CCBE1: variants seen among roughly 807,000 people sequenced by gnomAD.
CCBE1 encodes the protein collagen and calcium-binding EGF domain-containing protein 1.
A neutral mutation model predicts 50.0 loss-of-function variants in CCBE1; 37 were observed. The observed-to-expected ratio is 0.74, with a 90% CI of 0.57 to 0.97. The LOEUF (loss-of-function observed/expected upper bound fraction) is 0.97. Ranked by LOEUF, CCBE1 falls within the 50% of genes least tolerant of loss-of-function variation. The probability of loss-of-function intolerance (pLI) is 0.00; values close to 1 mark genes in which losing one functional copy is unlikely to be tolerated. For synonymous variants in CCBE1, 234 were observed against 203.7 expected (o/e 1.15, Z -1.27); for missense variants, 538 against 523.8 (o/e 1.03, Z -0.26).
At chr18:59,436,237 C>G in intron 10 of CCBE1, 96 bp from the exon 11 acceptor site, 1 of 1,046,458 alleles carries the variant, frequency 9.6e-7, no homozygotes, top group South Asian at 1.3e-5. Flanking sequence ...CAACTACTTT[C>G]TCAATAACTC....
At chr18:59,438,373 C>A (rs768870873) in intron 9 of CCBE1, among the ~76,000 whole-genome samples, 19 of 152,306 alleles carry the variant, frequency 1.2e-4, no homozygotes, top group Middle Eastern at 3.4e-3. Flanking sequence ...TATTTTCAAA[C>A]CTTCTTGGCA....
intron 2 of CCBE1, among the ~76,000 whole-genome samples, chr18:59,491,310 T>A (rs1475476700): frequency 1.3e-5 from 2 of 152,162 alleles, no homozygotes; most frequent in Non-Finnish European, 2.9e-5. Context: ...AAGTCTGCCA[T>A]TGCTCCCCCA....
At chr18:59,663,505 C>G (rs1431810022) in intron 2 of CCBE1, among the ~76,000 whole-genome samples, 1 of 152,038 alleles carries the variant, frequency 6.6e-6, no homozygotes, top group East Asian at 1.9e-4. Flanking sequence ...CTGCAGAGTT[C>G]TGTGAGGCTG....
chr18:59,684,693 GT>G (rs2054634519), intron 2 of CCBE1, among the ~76,000 whole-genome samples: 1 of 152,132 alleles, frequency 6.6e-6, no homozygotes, highest in African/African-American at 2.4e-5. Flanking sequence ...CATAATTGCT[GT>G]TGTAACACTC....
Position 59,466,757 on chromosome 18 carries a change from T to C in CCBE1, c.535A>G (p.Lys179Glu), listed in dbSNP as rs1911766876. 6.2e-7 allele frequency: 1 copy of C among 1,613,160 alleles called. No individual in the cohort carries two copies. Reference protein sequence around the residue: ...DDGKTCTRGDKYPNDTGHEKS... With the variant: ...DDGKTCTRGDEYPNDTGHEKS... ...TACTTACCAGTGTCATTGGGATATTTGTCTCCCCTGGTACATGTCTTCCCA... is the reference window on the plus strand; with the variant it reads ...TACTTACCAGTGTCATTGGGATATTCGTCTCCCCTGGTACATGTCTTCCCA... The change falls in exon 5 of 11, where the codon AAA becomes GAA. Residue 179 changes from lysine to glutamate, a missense_variant. Transcript: ENST00000439986.
intron 2 of CCBE1, among the ~76,000 whole-genome samples, chr18:59,545,394 G>A (rs1162034060): frequency 6.6e-6 from 1 of 152,000 alleles, no homozygotes; most frequent in Non-Finnish European, 1.5e-5. Context: ...ATCGGTGTGA[G>A]CACCCACAAC....
At chr18:59,693,444 A>G (rs536554978) in intron 2 of CCBE1, among the ~76,000 whole-genome samples, 4 of 152,110 alleles carry the variant, frequency 2.6e-5, no homozygotes, top group Non-Finnish European at 5.9e-5. Context: ...CTGTACACCA[A>G]CTTGAGACCA....
intron 2 of CCBE1, among the ~76,000 whole-genome samples, chr18:59,641,198 A>G (rs9948317): frequency 0.039 from 5,962 of 151,724 alleles, 399 homozygotes; most frequent in African/African-American, 0.14. Context: ...TAGCAAATAC[A>G]TGGAATCAAC....
intron 2 of CCBE1, among the ~76,000 whole-genome samples, chr18:59,506,073 C>T (rs781700529): frequency 1.6e-4 from 25 of 152,108 alleles, no homozygotes; most frequent in Admixed American, 1.2e-3. Context: ...TTGGGAATAG[C>T]GTCTTTGAAG....
intron 2 of CCBE1, among the ~76,000 whole-genome samples, chr18:59,584,507 A>G (rs1332539034): frequency 7.3e-6 from 1 of 136,660 alleles, no homozygotes; most frequent in African/African-American, 3.5e-5. Flanking sequence ...TAATAATAAT[A>G]AAAAAAGAAA....
chr18:59,621,152 G>A (rs1325925944), intron 2 of CCBE1, among the ~76,000 whole-genome samples: 14 of 152,186 alleles, frequency 9.2e-5, no homozygotes, highest in African/African-American at 3.4e-4. Flanking sequence ...GGGCCCCAGG[G>A]CTTCCAGGAA....
intron 2 of CCBE1, among the ~76,000 whole-genome samples, chr18:59,540,810 G>A (rs953425573): frequency 1.3e-5 from 2 of 152,116 alleles, no homozygotes; most frequent in African/African-American, 4.8e-5. Flanking sequence ...TTACAGAACC[G>A]GTAAACCCTG....
At chr18:59,512,438 G>A (rs72629869) in intron 2 of CCBE1, among the ~76,000 whole-genome samples, 7,353 of 152,348 alleles carry the variant, frequency 0.048, 241 homozygotes, top group East Asian at 0.083. Context: ...AAGAGCAACA[G>A]TGCCTGCTGC....
At chr18:59,636,881 G>A (rs920604009) in intron 2 of CCBE1, among the ~76,000 whole-genome samples, 1 of 152,158 alleles carries the variant, frequency 6.6e-6, no homozygotes, top group African/African-American at 2.4e-5. Flanking sequence ...ACTGGATGAC[G>A]ATAGCATTTA....
At chr18:59,647,949 G>A (rs917506106) in intron 2 of CCBE1, among the ~76,000 whole-genome samples, 4 of 152,136 alleles carry the variant, frequency 2.6e-5, no homozygotes, top group African/African-American at 9.7e-5. Flanking sequence ...AAAATATTGG[G>A]AGTTTTGCAT....
chr18:59,582,699 A>T (rs1452590613), intron 2 of CCBE1, among the ~76,000 whole-genome samples: 11 of 152,212 alleles, frequency 7.2e-5, no homozygotes, highest in Non-Finnish European at 2.9e-5. Flanking sequence ...TCTTTCAGTT[A>T]CTATCTACCC....
chr18:59,645,838 T>C (rs1442133966), intron 2 of CCBE1, among the ~76,000 whole-genome samples: 24 of 152,170 alleles, frequency 1.6e-4, no homozygotes, highest in Admixed American at 1.5e-3. Flanking sequence ...GAGACCATCC[T>C]GGCTAACACG....
chr18:59,437,131 A>G (rs1910195088), intron 10 of CCBE1, among the ~76,000 whole-genome samples: 1 of 152,204 alleles, frequency 6.6e-6, no homozygotes, highest in Non-Finnish European at 1.5e-5. Flanking sequence ...TAATTTTTCT[A>G]TGTATTGAGT....
At chr18:59,531,453 G>T (rs1342390100) in intron 2 of CCBE1, among the ~76,000 whole-genome samples, 2 of 152,018 alleles carry the variant, frequency 1.3e-5, no homozygotes, top group African/African-American at 4.8e-5. Context: ...AAAAAATTTT[G>T]TCCCCAGGAA....
Sources: gnomAD v4.1 joint callset for allele counts (sites outside exome capture counted in the v4.1 genomes callset) on GRCh38, gnomAD v4.1.1 for gene constraint, MANE v1.5 for transcripts, NCBI Gene and HGNC (gene_info 2026-07-23, HGNC 2026-07-21) for gene names.